RNLS: variants seen among roughly 807,000 people sequenced by gnomAD.
The protein encoded by RNLS is renalase.
RNLS carries 39 observed loss-of-function variants against 39.8 expected under a neutral mutation model. The ratio of observed to expected loss-of-function variants is 0.98; its 90% CI spans 0.76 to 1.28. The LOEUF (loss-of-function observed/expected upper bound fraction) is 1.28, where lower values mean the gene tolerates loss of function less well. RNLS is among the 50% of genes most tolerant of loss of function. The probability of loss-of-function intolerance (pLI) is 0.00; values close to 1 mark genes in which losing one functional copy is unlikely to be tolerated. For synonymous variants in RNLS, 147 were observed against 150.7 expected (o/e 0.98, Z 0.18); for missense variants, 410 against 413.3 (o/e 0.99, Z 0.07).
At chr10:88,225,442 C>T in the RNLS span, among the ~76,000 whole-genome samples, 3 of 152,150 alleles carry the variant, frequency 2.0e-5, no homozygotes, top group African/African-American at 7.2e-5. Context: ...GAGCTGGGTG[C>T]GGTAGCTTAC....
chr10:88,526,469 A>G (rs564510468), intron 4 of RNLS, among the ~76,000 whole-genome samples: 1 of 152,152 alleles, frequency 6.6e-6, no homozygotes, highest in South Asian at 2.1e-4. Context: ...CAGCAACAAA[A>G]TTTTGGAAGC....
At chr10:88,485,642 C>CAAAAAAA (rs11366047) in intron 4 of RNLS, among the ~76,000 whole-genome samples, 2 of 104,854 alleles carry the variant, frequency 1.9e-5, no homozygotes, top group African/African-American at 3.6e-5. Flanking sequence ...AATGAAAAAC[C>CAAAAAAA]AAAAAAAAAA....
At chr10:88,485,149 C>G (rs1844416350) in intron 4 of RNLS, among the ~76,000 whole-genome samples, 2 of 151,722 alleles carry the variant, frequency 1.3e-5, no homozygotes, top group Admixed American at 1.3e-4. Flanking sequence ...AGAAAAGAAC[C>G]TAGAATTGAA....
At chr10:88,546,981 T>C (rs1351338200) in intron 4 of RNLS, among the ~76,000 whole-genome samples, 1 of 152,134 alleles carries the variant, frequency 6.6e-6, no homozygotes, top group Non-Finnish European at 1.5e-5. Flanking sequence ...AAGACTATGA[T>C]GCATCCAAAG....
rs543352505 is a variant in RNLS, at chr10:88,522,252, G to A, written c.526+50651C>T. On this transcript the variant is annotated intron_variant, in intron 4 of 6. Transcript: ENST00000331772. ...AAATAAACAGGTTTAATAAGCAGATGTTGAAGAAATAAATGACTGGTTGGA... is the reference window on the plus strand; with the variant it reads ...AAATAAACAGGTTTAATAAGCAGATATTGAAGAAATAAATGACTGGTTGGA... Among the ~76,000 whole-genome samples the A allele has an allele frequency of 3.9e-5, 6 of 152,210 alleles. No homozygotes were observed. In the South Asian group the frequency reaches 1.0e-3, roughly 26 times the overall value.
At chr10:88,189,802 A>G in the RNLS span, among the ~76,000 whole-genome samples, 1 of 152,250 alleles carries the variant, frequency 6.6e-6, no homozygotes, top group African/African-American at 2.4e-5. Context: ...CAATGCAGCG[A>G]AGCACTGGGG....
chr10:88,319,758 G>A lies in RNLS; in HGVS notation c.701-5117C>T, dbSNP rs537282064. Reference sequence around the variant, plus strand: ...AAAATAAAAAAGAATTTAGAAAAATGAAGAAAGCCTTTGAAAAATATGGGA... The same window carrying A: ...AAAATAAAAAAGAATTTAGAAAAATAAAGAAAGCCTTTGAAAAATATGGGA... On this transcript the variant is annotated intron_variant, in intron 5 of 6. Coordinates refer to ENST00000331772, the MANE Select transcript of RNLS (RefSeq NM_001031709.3). Among the ~76,000 whole-genome samples, 420 of 152,058 alleles carry A rather than the reference G, an allele frequency of 2.8e-3. 5 individuals are homozygous for A. The highest frequency in any genetic ancestry group is 9.5e-3 in the African/African-American group (396 of 41,516).
At chr10:88,192,638 T>C in the RNLS span, among the ~76,000 whole-genome samples, 1 of 152,306 alleles carries the variant, frequency 6.6e-6, no homozygotes, top group African/African-American at 2.4e-5. Context: ...CCTGAATGCG[T>C]TCATGGAACA....
At chr10:88,187,850 A>G in the RNLS span, among the ~76,000 whole-genome samples, 1 of 152,188 alleles carries the variant, frequency 6.6e-6, no homozygotes, top group Non-Finnish European at 1.5e-5. Context: ...TCTTTGACAC[A>G]TGGTTATGAC....
chr10:88,208,791 A>T, the RNLS span, among the ~76,000 whole-genome samples: 1 of 152,188 alleles, frequency 6.6e-6, no homozygotes, highest in Non-Finnish European at 1.5e-5. Flanking sequence ...GGGGTAACTC[A>T]GCTTGAATCT....
exon 7 of RNLS, chr10:88,275,032 C>A (rs766512341): frequency 6.2e-7 from 1 of 1,612,434 alleles, no homozygotes; most frequent in South Asian, 1.1e-5. Flanking sequence ...GCACTTGGTA[C>A]CTGAAAATCA....
chr10:88,562,109 T>C (rs1183708776), intron 4 of RNLS, among the ~76,000 whole-genome samples: 2 of 152,172 alleles, frequency 1.3e-5, no homozygotes, highest in Admixed American at 1.3e-4. Context: ...TGACAAACTT[T>C]TTGGAAGGTA....
intron 4 of RNLS, among the ~76,000 whole-genome samples, chr10:88,500,868 G>T (rs931599885): frequency 4.3e-4 from 65 of 151,998 alleles, no homozygotes; most frequent in African/African-American, 1.4e-3. Context: ...TGTAACTTGG[G>T]CTAGCAATTG....
the RNLS span, among the ~76,000 whole-genome samples, chr10:88,204,640 T>C: frequency 6.6e-6 from 1 of 152,184 alleles, no homozygotes; most frequent in African/African-American, 2.4e-5. Flanking sequence ...TAGGCCTTAC[T>C]GAGGTGGGTA....
the RNLS span, among the ~76,000 whole-genome samples, chr10:88,265,127 G>A: frequency 2.0e-5 from 3 of 149,990 alleles, no homozygotes; most frequent in Non-Finnish European, 1.5e-5. Flanking sequence ...TTGCTTTGTC[G>A]AAGATCAGTT....
At chr10:88,304,443 G>A (rs561411516) in intron 6 of RNLS, among the ~76,000 whole-genome samples, 2 of 152,250 alleles carry the variant, frequency 1.3e-5, no homozygotes, top group Admixed American at 1.3e-4. Context: ...CAAAAATAAT[G>A]ATAAAACAAG....
At chr10:88,438,391 C>A (rs1841531215) in intron 4 of RNLS, among the ~76,000 whole-genome samples, 1 of 152,102 alleles carries the variant, frequency 6.6e-6, no homozygotes, top group African/African-American at 2.4e-5. Context: ...GAATAAGTTC[C>A]CTTCTTATTT....
At chr10:88,394,250 A>G (rs1338739599) in intron 4 of RNLS, among the ~76,000 whole-genome samples, 1 of 152,224 alleles carries the variant, frequency 6.6e-6, no homozygotes. Flanking sequence ...ATCAGAGTGA[A>G]CAGGCAACCT....
At position 88,285,386 on chromosome 10, in the gene RNLS, A is replaced by G; in HGVS notation, c.997T>C (p.Cys333Arg). The change falls in exon 7 of 7, where the codon TGT (cysteine) becomes CGT (arginine). Residue 333 changes from cysteine to arginine, a missense_variant. Coordinates refer to ENST00000331772, the MANE Select transcript of RNLS (RefSeq NM_001031709.3). ...NFDGCITSALCVLEALKNYI is the reference protein window; with the variant it reads ...NFDGCITSALRVLEALKNYI ...TAATTCTTTAAAGCTTCCAGAACAC[A>G]TAGGGCAGAAGTGATGCAGCCATCA... 6.2e-7 allele frequency: 1 copy of G among 1,612,206 alleles called. No homozygotes were observed. The highest frequency in any genetic ancestry group is 8.5e-7 in the Non-Finnish European group (1 of 1,178,732).
Sources: allele counts gnomAD v4.1 joint callset (sites outside exome capture counted in the v4.1 genomes callset), GRCh38; gene constraint gnomAD v4.1.1; transcripts MANE v1.5; gene names NCBI Gene and HGNC (gene_info 2026-07-23, HGNC 2026-07-21).